GRHL2: variants seen among roughly 807,000 people sequenced by gnomAD.
GRHL2 encodes the protein grainyhead like transcription factor 2, also known as grainyhead-like protein 2 homolog.
Under a neutral mutation model 83.8 loss-of-function variants are expected in GRHL2, and 21 were observed. The ratio of observed to expected loss-of-function variants is 0.25; its 90% confidence interval spans 0.18 to 0.36. GRHL2 has a LOEUF of 0.36. Among genes scored for constraint, GRHL2 ranks in the 10% least tolerant of loss-of-function variants. GRHL2 has a pLI of 1.00. For missense variants in GRHL2, 623 were observed against 781.8 expected (o/e 0.80, Z 2.42); for synonymous variants, 280 against 278.9 (o/e 1.00, Z -0.04).
At chr8:101,661,150 A>ATT (rs1563632105) in intron 14 of GRHL2, among the ~76,000 whole-genome samples, 3,368 of 152,256 alleles carry the variant, frequency 0.022, 126 homozygotes, top group African/African-American at 0.076. Flanking sequence ...ATTTTTTTAA[A>ATT]AAGTCCATCA....
intron 1 of GRHL2, among the ~76,000 whole-genome samples, chr8:101,499,476 T>C (rs544052361): frequency 1.3e-5 from 2 of 152,074 alleles, no homozygotes; most frequent in African/African-American, 2.4e-5. Context: ...TGGTGAGAAC[T>C]GCACAGCTTC....
intron 7 of GRHL2, among the ~76,000 whole-genome samples, chr8:101,585,147 C>T (rs1379658596): frequency 6.6e-6 from 1 of 152,234 alleles, no homozygotes; most frequent in Admixed American, 6.5e-5. Flanking sequence ...GACAAGAGCA[C>T]CAGCAACTCC....
At chr8:101,554,378 C>G (rs1811449045) in intron 3 of GRHL2, among the ~76,000 whole-genome samples, 1 of 152,220 alleles carries the variant, frequency 6.6e-6, no homozygotes, top group Admixed American at 6.5e-5. Flanking sequence ...AGAATTATAG[C>G]AGGATCAGGG....
chr8:101,677,923 T>A, the GRHL2 span, among the ~76,000 whole-genome samples: 1 of 152,130 alleles, frequency 6.6e-6, no homozygotes, highest in African/African-American at 2.4e-5. Flanking sequence ...TCTTTCCCTA[T>A]GCAATAATCT....
chr8:101,519,062 G>A (rs919174933), intron 1 of GRHL2, among the ~76,000 whole-genome samples: 7 of 138,858 alleles, frequency 5.0e-5, no homozygotes, highest in African/African-American at 1.8e-4. Flanking sequence ...GTCCATTTTT[G>A]TTAGGTTTTA....
chr8:101,650,147 A>T (rs970535797), intron 14 of GRHL2, among the ~76,000 whole-genome samples: 4 of 152,186 alleles, frequency 2.6e-5, no homozygotes, highest in African/African-American at 9.6e-5. Flanking sequence ...GTTTTTTTAT[A>T]GTGATAGAGA....
chr8:101,665,226 G>A (rs577076566), intron 15 of GRHL2, among the ~76,000 whole-genome samples: 23 of 152,214 alleles, frequency 1.5e-4, no homozygotes, highest in East Asian at 3.9e-4. Flanking sequence ...TAGCTTCCAC[G>A]TTCTGCCGTC....
chr8:101,601,667 T>A (rs924990135), intron 8 of GRHL2, among the ~76,000 whole-genome samples: 10 of 152,234 alleles, frequency 6.6e-5, no homozygotes, highest in Non-Finnish European at 8.8e-5. Context: ...TATTGCAAAA[T>A]TTTTTTAACT....
At chr8:101,504,622 T>C (rs1189175090) in intron 1 of GRHL2, among the ~76,000 whole-genome samples, 1 of 151,990 alleles carries the variant, frequency 6.6e-6, no homozygotes, top group Non-Finnish European at 1.5e-5. Context: ...CAAAAGGTAG[T>C]TGTAGGCAAG....
rs561815325 is a variant in GRHL2 at position 101,633,756 on chromosome 8, GTGA to G, written c.1485+1396_1485+1398del. ...TTTTTTTTTAATTCCCAAGACCATG[GTGA>G]TGATTTGTGTCTGCACTGTCTGTGC... On this transcript the variant is annotated intron_variant, in intron 11 of 15. Transcript: ENST00000646743. Among the ~76,000 whole-genome samples, 570 of 152,040 alleles carry G rather than the reference GTGA, an allele frequency of 3.7e-3. 4 individuals carry two copies. Among genetic ancestry groups the G allele is most frequent in the African/African-American group, 0.013 (536 of 41,464 alleles).
chr8:101,621,565 G>A (rs566568566), intron 9 of GRHL2, among the ~76,000 whole-genome samples: 27 of 152,080 alleles, frequency 1.8e-4, no homozygotes, highest in Non-Finnish European at 2.6e-4. Context: ...GAAAATGAAA[G>A]AGGTGTGAGA....
chr8:101,623,096 T>C (rs146611389), intron 9 of GRHL2, among the ~76,000 whole-genome samples: 1 of 152,372 alleles, frequency 6.6e-6, no homozygotes, highest in Admixed American at 6.5e-5. Context: ...AGTTCTGGTT[T>C]AGCAGTGGCA....
At chr8:101,556,195 G>T (rs1318199232) in intron 3 of GRHL2, among the ~76,000 whole-genome samples, 1 of 152,128 alleles carries the variant, frequency 6.6e-6, no homozygotes, top group African/African-American at 2.4e-5. Context: ...GACCTCAGGT[G>T]ATCCACCCAC....
At chr8:101,638,166 A>G (rs1223665920) in intron 12 of GRHL2, among the ~76,000 whole-genome samples, 1 of 152,170 alleles carries the variant, frequency 6.6e-6, no homozygotes, top group Non-Finnish European at 1.5e-5. Flanking sequence ...TCTTCAAACT[A>G]CAGTCAAACC....
chr8:101,522,918 T>A (rs918036823), intron 1 of GRHL2, among the ~76,000 whole-genome samples: 6 of 145,256 alleles, frequency 4.1e-5, no homozygotes, highest in African/African-American at 1.5e-4. Flanking sequence ...TCTTTGTTTC[T>A]TTTTTTTTTT....
intron 12 of GRHL2, among the ~76,000 whole-genome samples, chr8:101,643,596 C>T (rs765670718): frequency 1.8e-4 from 27 of 152,174 alleles, no homozygotes. Context: ...GGAACTTCCA[C>T]CACTGCAGTC....
intron 1 of GRHL2, among the ~76,000 whole-genome samples, chr8:101,498,465 T>C (rs1810153793): frequency 6.6e-6 from 1 of 152,300 alleles, no homozygotes; most frequent in African/African-American, 2.4e-5. Context: ...AGATTCTATT[T>C]TGTAGCGCAA....
chr8:101,611,438 G>A (rs757175103), intron 8 of GRHL2, among the ~76,000 whole-genome samples: 1 of 150,584 alleles, frequency 6.6e-6, no homozygotes, highest in Non-Finnish European at 1.5e-5. Context: ...CTCTTGTCAT[G>A]TGGACACCTC....
intron 8 of GRHL2, among the ~76,000 whole-genome samples, chr8:101,601,414 C>T (rs896379814): frequency 2.1e-4 from 32 of 152,148 alleles, no homozygotes; most frequent in African/African-American, 7.5e-4. Context: ...TCAGACTCTG[C>T]AGTAAACCAA....
Sources: gnomAD v4.1 joint callset for allele counts (sites outside exome capture counted in the v4.1 genomes callset) on GRCh38, gnomAD v4.1.1 for gene constraint, MANE v1.5 for transcripts, NCBI Gene and HGNC (gene_info 2026-07-23, HGNC 2026-07-21) for gene names.